R3HDM2: variants seen among roughly 807,000 people sequenced by gnomAD.
R3HDM2 encodes R3H domain-containing protein 2.
A neutral mutation model predicts 124.5 loss-of-function variants in R3HDM2; 38 were observed. That is an observed-to-expected ratio of 0.31 (90% CI 0.24 to 0.40). The LOEUF (loss-of-function observed/expected upper bound fraction) is 0.40. R3HDM2 is among the 10% of genes least tolerant of loss of function. R3HDM2 has a pLI of 1.00. For missense variants in R3HDM2, 869 were observed against 1,236.9 expected (o/e 0.70, Z 4.46); for synonymous variants, 391 against 448.0 (o/e 0.87, Z 1.61).
chr12:57,356,273 C>G (rs541790202), intron 2 of R3HDM2, among the ~76,000 whole-genome samples: 33 of 152,124 alleles, frequency 2.2e-4, no homozygotes, highest in African/African-American at 7.7e-4. Flanking sequence ...ATGAATGAAG[C>G]CTGAATTTTT....
intron 1 of R3HDM2, among the ~76,000 whole-genome samples, chr12:57,425,555 T>G (rs2139670269): frequency 6.6e-6 from 1 of 152,084 alleles, no homozygotes; most frequent in African/African-American, 2.4e-5. Flanking sequence ...ATCCCAGCAC[T>G]TTGGGAGGCC....
intron 4 of R3HDM2, among the ~76,000 whole-genome samples, chr12:57,301,429 A>C (rs1252649232): frequency 2.0e-5 from 3 of 152,242 alleles, no homozygotes; most frequent in Non-Finnish European, 2.9e-5. Flanking sequence ...AGCAGAAAGA[A>C]CTTGCGAGCC....
intron 11 of R3HDM2, 60 bp from the exon 12 acceptor site, chr12:57,289,100 A>C (rs1347846702): frequency 1.4e-6 from 2 of 1,455,660 alleles, no homozygotes; most frequent in East Asian, 4.9e-5. Context: ...CATGACCGAA[A>C]AGGATGTCCA....
In R3HDM2 at chr12:57,384,931, G is replaced by A. The variant is rs138462997; in HGVS notation, c.-36+10818C>T. Among the ~76,000 whole-genome samples the A allele has an allele frequency of 1.2e-3, 186 of 152,150 alleles. 2 individuals carry two copies. Among genetic ancestry groups the A allele is most frequent in the African/African-American group, 4.2e-3 (174 of 41,532 alleles). ...TGGGAGGCCGAGGCGGGTGGATCAC[G>A]AGGTCAGGAGTTCAAGACCAGCCTG... On this transcript the variant is annotated intron_variant, in intron 2 of 23. Transcript: ENST00000402412.
intron 23 of R3HDM2, among the ~76,000 whole-genome samples, chr12:57,255,769 T>C (rs757439833): frequency 6.6e-6 from 1 of 152,192 alleles, no homozygotes; most frequent in Non-Finnish European, 1.5e-5. Context: ...CCCATAATTG[T>C]GTTATTCCCA....
intron 11 of R3HDM2, among the ~76,000 whole-genome samples, chr12:57,289,484 T>C (rs1199261749): frequency 1.3e-5 from 2 of 152,258 alleles, no homozygotes; most frequent in Admixed American, 1.3e-4. Context: ...TTTCCATTTC[T>C]GTCTCCTACA....
chr12:57,286,980 A>T (rs984975777), intron 12 of R3HDM2, among the ~76,000 whole-genome samples: 3 of 152,196 alleles, frequency 2.0e-5, no homozygotes, highest in Non-Finnish European at 2.9e-5. Flanking sequence ...GATGGTCCAT[A>T]GCCCTAATAA....
chr12:57,343,767 A>T (rs1226979004), intron 2 of R3HDM2, among the ~76,000 whole-genome samples: 1 of 86,954 alleles, frequency 1.2e-5, no homozygotes. Flanking sequence ...AAAAGGTTAA[A>T]AAAAAAAAAA....
intron 2 of R3HDM2, among the ~76,000 whole-genome samples, chr12:57,336,822 TAA>T (rs34945958): frequency 0.043 from 6,034 of 141,092 alleles, 388 homozygotes; most frequent in African/African-American, 0.15. Flanking sequence ...AATAAAAGTT[TAA>T]AAAAAAAAAA....
rs1422592469 is a variant in R3HDM2 at position 57,254,558 on chromosome 12, G to T, written c.*215C>A. 1.1e-5 allele frequency: 6 copies of T among 528,712 alleles called. No individual in the cohort carries two copies. Among genetic ancestry groups the T allele is most frequent in the Non-Finnish European group, 2.0e-5 (6 of 305,350 alleles). 32.8% of individuals were successfully genotyped at this position (528,712 alleles called of 1,614,324 possible). A position where few individuals can be genotyped will look rare whatever the true frequency, so the allele number is the denominator to read the frequency against. The stretch of plus-strand genomic sequence containing the variant: ...TGGGAAGAAGAGTGATGCAAGGGGG[G>T]TCAACCAGGGAAAAAGAGAGGACCC... On this transcript the variant is annotated 3_prime_UTR_variant, in exon 24 of 24. Coordinates refer to ENST00000402412, the MANE Select transcript of R3HDM2 (RefSeq NM_001394031.1).
At chr12:57,272,979 G>A (rs1022576847) in intron 14 of R3HDM2, among the ~76,000 whole-genome samples, 13 of 152,170 alleles carry the variant, frequency 8.5e-5, no homozygotes, top group Non-Finnish European at 1.0e-4. Flanking sequence ...GCCCACTTGA[G>A]AAGAGATTCC....
intron 2 of R3HDM2, among the ~76,000 whole-genome samples, chr12:57,349,379 CAAAAAAA>C (rs1161831845): frequency 1.9e-4 from 11 of 57,740 alleles, no homozygotes; most frequent in Admixed American, 7.0e-4. Context: ...ACTCCGTCTC[CAAAAAAA>C]AAAAAAAAAA....
intron 19 of R3HDM2, among the ~76,000 whole-genome samples, chr12:57,262,173 A>G (rs1291333750): frequency 2.6e-5 from 4 of 152,212 alleles, no homozygotes; most frequent in African/African-American, 7.2e-5. Context: ...ATCCAATAAT[A>G]TCTTGGTATT....
intron 19 of R3HDM2, among the ~76,000 whole-genome samples, chr12:57,264,856 C>T (rs918765524): frequency 4.6e-5 from 7 of 152,214 alleles, no homozygotes; most frequent in East Asian, 1.9e-4. Flanking sequence ...ATGCTTGTCT[C>T]GAACTCCTGG....
intron 14 of R3HDM2, among the ~76,000 whole-genome samples, chr12:57,270,392 C>CTTGTT (rs761021651): frequency 0.02 from 2,911 of 148,706 alleles, 40 homozygotes; most frequent in Middle Eastern, 0.045. Flanking sequence ...CCGGCTAATT[C>CTTGTT]TTATTTTGTT....
At chr12:57,329,613 C>T (rs2057825125) in intron 2 of R3HDM2, among the ~76,000 whole-genome samples, 1 of 152,102 alleles carries the variant, frequency 6.6e-6, no homozygotes, top group Non-Finnish European at 1.5e-5. Flanking sequence ...TACTGTTTTT[C>T]TCTTATGAGT....
At chr12:57,421,358 C>T (rs570848792) in intron 1 of R3HDM2, among the ~76,000 whole-genome samples, 44 of 150,960 alleles carry the variant, frequency 2.9e-4, no homozygotes, top group Admixed American at 1.2e-3. Context: ...CCATGTTGGT[C>T]AAGCTGGTCT....
At chr12:57,352,786 A>G (rs895879250) in intron 2 of R3HDM2, among the ~76,000 whole-genome samples, 20 of 152,208 alleles carry the variant, frequency 1.3e-4, no homozygotes, top group African/African-American at 4.8e-4. Context: ...GAACCATGGC[A>G]TCCAAGGCAT....
intron 2 of R3HDM2, among the ~76,000 whole-genome samples, chr12:57,349,090 G>T (rs1037737806): frequency 6.6e-6 from 1 of 151,412 alleles, no homozygotes; most frequent in African/African-American, 2.4e-5. Flanking sequence ...TGGATTACTT[G>T]AAAATCAAGG....
Sources: gnomAD v4.1 joint callset for allele counts (sites outside exome capture counted in the v4.1 genomes callset) on GRCh38, gnomAD v4.1.1 for gene constraint, MANE v1.5 for transcripts, NCBI Gene and HGNC (gene_info 2026-07-23, HGNC 2026-07-21) for gene names.